ADGRF1: variants seen among roughly 807,000 people sequenced by gnomAD.
The protein encoded by ADGRF1 is adhesion G protein-coupled receptor F1.
A neutral mutation model predicts 87.2 loss-of-function variants in ADGRF1; 85 were observed. The ratio of observed to expected loss-of-function variants is 0.97; its 90% CI spans 0.82 to 1.17. ADGRF1 has a LOEUF of 1.17. Among genes scored for constraint, ADGRF1 ranks in the 50% most tolerant of loss-of-function variants. The pLI, the probability that ADGRF1 is intolerant of heterozygous loss-of-function variation, is 0.00. For synonymous variants in ADGRF1, 430 were observed against 408.8 expected (o/e 1.05, Z -0.63); for missense variants, 1,169 against 1,077.2 (o/e 1.09, Z -1.19).
chr6:47,005,957 T>C, intron 12 of ADGRF1, 81 bp from the exon 13 acceptor site: 1 of 834,914 alleles, frequency 1.2e-6, no homozygotes, highest in Non-Finnish European at 1.9e-6. Context: ...CAGGTTGAAA[T>C]GGTTATTTAA....
rs1248887960 is a variant in ADGRF1 at position 47,018,483 on chromosome 6, T to C, written c.612-1715A>G. 2.3e-6 allele frequency: 3 copies of C among 1,289,736 alleles called. No individual in the cohort carries two copies. In the South Asian group the frequency reaches 3.7e-5, roughly 16 times the overall value. 79.9% of individuals were successfully genotyped at this position (1,289,736 alleles called of 1,614,324 possible). A position where few individuals can be genotyped will look rare whatever the true frequency, so the allele number is the denominator to read the frequency against. On this transcript the variant is annotated intron_variant, in intron 7 of 14. Coordinates refer to ENST00000371253, the MANE Select transcript of ADGRF1 (RefSeq NM_153840.4). ...TGCTTAATGATGGTCACAATACCTTTGTATTGATATGTCCATTCTATTGAT... is the reference window on the plus strand; with the variant it reads ...TGCTTAATGATGGTCACAATACCTTCGTATTGATATGTCCATTCTATTGAT...
chr6:47,020,625 C>A, intron 7 of ADGRF1, 106 bp downstream of exon 7: 1 of 1,574,592 alleles, frequency 6.4e-7, no homozygotes, highest in Non-Finnish European at 8.6e-7. Context: ...ATAAAGATGA[C>A]TTCTGTCCTG....
rs1247991231 is a variant in ADGRF1, at chr6:47,014,720, C to T, written c.888G>A (p.Arg296=). Reference sequence around the variant, plus strand: ...CAAGCAGAGAGAGCACACAAGTCTCCCTGATGACCTGCCACCCAGAGGACT... The same window carrying T: ...CAAGCAGAGAGAGCACACAAGTCTCTCTGATGACCTGCCACCCAGAGGACT... ...KCESSGWQVI[R]ETCVLSLLEE... The change falls in exon 9 of 15, where the codon AGG becomes AGA. Residue 296 remains arginine, a synonymous_variant. Transcript: ENST00000371253. 1 of 1,613,780 alleles carries T rather than the reference C, an allele frequency of 6.2e-7. No homozygotes were observed. The highest frequency in any genetic ancestry group is 8.5e-7 in the Non-Finnish European group (1 of 1,179,932).
intron 9 of ADGRF1, 181 bp from the exon 10 acceptor site, chr6:47,012,376 T>A: frequency 8.7e-7 from 1 of 1,152,800 alleles, no homozygotes; most frequent in Non-Finnish European, 1.1e-6. Flanking sequence ...GACATTGCAC[T>A]AGGTGCTTTA....
intron 1 of ADGRF1, among the ~76,000 whole-genome samples, chr6:47,029,941 T>C (rs1162206922): frequency 6.6e-6 from 1 of 152,214 alleles, no homozygotes; most frequent in Non-Finnish European, 1.5e-5. Context: ...AGGAATACCT[T>C]CTTCTGGCCT....
intron 2 of ADGRF1, among the ~76,000 whole-genome samples, chr6:47,028,714 G>A (rs1582182786): frequency 6.6e-6 from 1 of 152,320 alleles, no homozygotes; most frequent in East Asian, 1.9e-4. Flanking sequence ...AGAAGCCATA[G>A]TACAGCATGT....
intron 10 of ADGRF1, 70 bp from the exon 11 acceptor site, chr6:47,010,388 C>CT: frequency 7.9e-7 from 1 of 1,262,728 alleles, no homozygotes; most frequent in African/African-American, 1.5e-5. Context: ...AGTGGATAGT[C>CT]ATTAGCATTA....
chr6:47,009,501 G>A lies in ADGRF1; in HGVS notation c.1934C>T (p.Ala645Val). The change falls in exon 11 of 15, where the codon GCC (alanine) becomes GTC (valine). Residue 645 changes from alanine (A) to valine (V), a missense_variant. Transcript: ENST00000371253. ...AGGGTTCACCGTGGTGTCCACTGTG[G>A]CACCAACAATAAACCAGACATCAGC... ...LIADVWFIVG[A>V]TVDTTVNPSG... 6.2e-7 allele frequency: 1 copy of A among 1,613,906 alleles called. No homozygotes were observed. The highest frequency in any genetic ancestry group is 8.5e-7 in the Non-Finnish European group (1 of 1,179,906).
chr6:47,035,288 G>A (rs777696181), intron 1 of ADGRF1, among the ~76,000 whole-genome samples: 1 of 152,134 alleles, frequency 6.6e-6, no homozygotes, highest in Admixed American at 6.5e-5. Context: ...CTTAGTAACA[G>A]GACCCAGTCT....
Position 47,000,117 on chromosome 6 carries a change from A to C in ADGRF1, c.*105T>G, listed in dbSNP as rs746324228. 34 of 823,010 alleles carry C rather than the reference A, an allele frequency of 4.1e-5. No individual in the cohort carries two copies. Among genetic ancestry groups the C allele is most frequent in the Non-Finnish European group, 6.3e-5 (31 of 494,970 alleles). 51.0% of individuals were successfully genotyped at this position (823,010 alleles called of 1,614,324 possible). On this transcript the variant is annotated 3_prime_UTR_variant, in exon 15 of 15. Coordinates refer to ENST00000371253, the MANE Select transcript of ADGRF1 (RefSeq NM_153840.4). ...TTCTTGTTTTATTCCCAGACCCCTA[A>C]ATCAGAAAACCCGATCGAATACTGA...
At position 47,009,770 on chromosome 6, in the gene ADGRF1, A is replaced by G; in HGVS notation, c.1665T>C (p.Thr555=). ...NDAGCHLVNE[T]QDIVTCQCTH... ...TACATTGGCACGTCACGATGTCTTGAGTTTCATTCACTAGGTGGCAGCCTG... is the reference window on the plus strand; with the variant it reads ...TACATTGGCACGTCACGATGTCTTGGGTTTCATTCACTAGGTGGCAGCCTG... The change falls in exon 11 of 15, where the codon ACT becomes ACC. Residue 555 remains threonine, a synonymous_variant. Transcript: ENST00000371253. 6.2e-7 allele frequency: 1 copy of G among 1,614,178 alleles called. No individual in the cohort carries two copies. The highest frequency in any genetic ancestry group is 8.5e-7 in the Non-Finnish European group (1 of 1,180,012).
At chr6:47,026,174 A>G (rs902165145) in intron 3 of ADGRF1, among the ~76,000 whole-genome samples, 171 bp from the exon 4 acceptor site, 3 of 152,166 alleles carry the variant, frequency 2.0e-5, no homozygotes, top group Non-Finnish European at 4.4e-5. Context: ...GAGGGTAAAC[A>G]CAAGCAAATG....
chr6:47,016,039 G>A (rs1055956108), intron 8 of ADGRF1, among the ~76,000 whole-genome samples: 2 of 152,100 alleles, frequency 1.3e-5, no homozygotes, highest in Non-Finnish European at 2.9e-5. Context: ...CACCCAGCCA[G>A]AGCTAAGATT....
chr6:47,017,034 T>C (rs1349991554), intron 7 of ADGRF1: 1 of 181,316 alleles, frequency 5.5e-6, no homozygotes, highest in Non-Finnish European at 1.1e-5. Context: ...TATGGAAGGC[T>C]TTTTTGTGCT....
intron 10 of ADGRF1, 32 bp downstream of exon 10, chr6:47,011,975 A>G (rs1274328148): frequency 6.3e-7 from 1 of 1,589,446 alleles, no homozygotes; most frequent in Non-Finnish European, 8.6e-7. Context: ...CAAGCATTTA[A>G]AGTGAGCCCT....
At chr6:47,033,669 TCAAAAAGAATTAGG>T in intron 1 of ADGRF1, among the ~76,000 whole-genome samples, 1 of 152,386 alleles carries the variant, frequency 6.6e-6, no homozygotes, top group South Asian at 2.1e-4. Context: ...AAATCATGAC[TCAAAAAGAATTAGG>T]CAGGTGACCT....
At position 46,998,724 on chromosome 6, in the gene ADGRF1, G is replaced by A. The variant is rs981217751; in HGVS notation, c.*1498C>T. ...ATTCCTCCTTCTCTCACTTTTGTGG[G>A]TAGGTAGAGTGAGAAGGCTCATAGA... is the stretch of plus-strand genomic sequence containing the variant. On this transcript the variant is annotated 3_prime_UTR_variant, in exon 15 of 15. Transcript: ENST00000371253. The A allele has an allele frequency of 6.6e-6, 1 of 152,242 alleles. No homozygotes were observed. The highest frequency in any genetic ancestry group is 1.5e-5 in the Non-Finnish European group (1 of 68,050). 9.4% of individuals were successfully genotyped at this position (152,242 alleles called of 1,614,324 possible).
At chr6:47,032,694 G>A (rs989148391) in intron 1 of ADGRF1, among the ~76,000 whole-genome samples, 27 of 152,170 alleles carry the variant, frequency 1.8e-4, no homozygotes, top group African/African-American at 6.5e-4. Context: ...CAGGTTCTTA[G>A]GAGAATTGAA....
At chr6:47,032,653 C>T (rs1178068147) in intron 1 of ADGRF1, among the ~76,000 whole-genome samples, 1 of 152,148 alleles carries the variant, frequency 6.6e-6, no homozygotes, top group Non-Finnish European at 1.5e-5. Flanking sequence ...GTTTAGTCAT[C>T]AAGAATACAA....
Sources: allele counts gnomAD v4.1 joint callset (sites outside exome capture counted in the v4.1 genomes callset), GRCh38; gene constraint gnomAD v4.1.1; transcripts MANE v1.5; gene names NCBI Gene and HGNC (gene_info 2026-07-23, HGNC 2026-07-21).